The following ALOX5AP variants were observed in gnomAD, a reference collection of about 807,000 sequenced individuals.
ALOX5AP encodes arachidonate 5-lipoxygenase activating protein.
A neutral mutation model predicts 18.5 loss-of-function variants in ALOX5AP; 9 were observed. That is an observed-to-expected ratio of 0.49 (90% CI 0.29 to 0.85). The LOEUF (loss-of-function observed/expected upper bound fraction) is 0.85, where lower values mean the gene tolerates loss of function less well. Ranked by LOEUF, ALOX5AP falls within the 40% of genes least tolerant of loss-of-function variation. The probability of loss-of-function intolerance (pLI) is 0.08; values close to 1 mark genes in which losing one functional copy is unlikely to be tolerated. For missense variants in ALOX5AP, 172 were observed against 202.5 expected, an observed-to-expected ratio of 0.85 and a Z score of 0.91; for synonymous variants, 81 against 78.6, an observed-to-expected ratio of 1.03 and a Z score of -0.16.
chr13:30,736,148 C>A (rs1380799002), intron 1 of ALOX5AP, among the ~76,000 whole-genome samples: 1 of 152,106 alleles, frequency 6.6e-6, no homozygotes, highest in Non-Finnish European at 1.5e-5. Context: ...TAGAAAAAAT[C>A]ATCTTATTAT....
intron 1 of ALOX5AP, among the ~76,000 whole-genome samples, chr13:30,727,125 C>T (rs1275294377): frequency 6.6e-6 from 1 of 151,336 alleles, no homozygotes; most frequent in Non-Finnish European, 1.5e-5. Context: ...GCGATCTTGG[C>T]TCACTACAAC....
chr13:30,729,003 C>A (rs913118125), intron 1 of ALOX5AP, among the ~76,000 whole-genome samples: 2 of 152,184 alleles, frequency 1.3e-5, no homozygotes, highest in Non-Finnish European at 2.9e-5. Flanking sequence ...TGTGTTATCT[C>A]ATTGTAGTTC....
intron 1 of ALOX5AP, among the ~76,000 whole-genome samples, chr13:30,716,013 A>C (rs1352201371): frequency 6.6e-6 from 1 of 152,190 alleles, no homozygotes; most frequent in Non-Finnish European, 1.5e-5. Flanking sequence ...GAGCTGCTGC[A>C]AGGGATCTGA....
chr13:30,762,985 G>A (rs1026741386), intron 4 of ALOX5AP, among the ~76,000 whole-genome samples: 5 of 152,310 alleles, frequency 3.3e-5, no homozygotes, highest in African/African-American at 7.2e-5. Flanking sequence ...TTAGGATTTA[G>A]TGCCTTGGAG....
chr13:30,720,666 G>A (rs1005636889), intron 1 of ALOX5AP, among the ~76,000 whole-genome samples: 1 of 152,176 alleles, frequency 6.6e-6, no homozygotes, highest in African/African-American at 2.4e-5. Flanking sequence ...AAGGAAAACA[G>A]GAACTAAACC....
intron 1 of ALOX5AP, among the ~76,000 whole-genome samples, chr13:30,737,372 A>G (rs1194905801): frequency 1.3e-5 from 2 of 152,240 alleles, no homozygotes; most frequent in Non-Finnish European, 2.9e-5. Context: ...GGACTTTGCC[A>G]TCATGGTCTA....
In ALOX5AP at chr13:30,744,121, G is replaced by T; in HGVS notation, c.132G>T (p.Arg44Ser). The T allele has an allele frequency of 6.2e-7, 1 of 1,614,010 alleles. No homozygotes were observed. Among genetic ancestry groups the T allele is most frequent in the Non-Finnish European group, 8.5e-7 (1 of 1,179,964 alleles). Reference sequence around the variant, plus strand: ...CCCAGAATGGGAGGAGCTTCCAGAGGACCGGAACACTTGCCTTTGAGCGGG... The same window carrying T: ...CCCAGAATGGGAGGAGCTTCCAGAGTACCGGAACACTTGCCTTTGAGCGGG... ...SRTQNGRSFQRTGTLAFERVY... is the reference protein window; with the variant it reads ...SRTQNGRSFQSTGTLAFERVY... Residue 44 changes from arginine to serine, a missense_variant, in exon 2 of 5, where the codon AGG becomes AGT. Physicochemically the swap from Arg to Ser is moderately radical, Grantham distance 110. Coordinates refer to ENST00000380490, the MANE Select transcript of ALOX5AP (RefSeq NM_001629.4).
intron 2 of ALOX5AP, among the ~76,000 whole-genome samples, chr13:30,750,420 G>T (rs988255818): frequency 6.6e-6 from 1 of 152,060 alleles, no homozygotes; most frequent in Non-Finnish European, 1.5e-5. Context: ...TCATGGATGG[G>T]CATATTTATT....
At chr13:30,750,490 G>C (rs1056849612) in intron 2 of ALOX5AP, among the ~76,000 whole-genome samples, 5 of 152,154 alleles carry the variant, frequency 3.3e-5, no homozygotes, top group African/African-American at 1.2e-4. Flanking sequence ...TAGTATAGTT[G>C]AAGAGTTAAC....
At chr13:30,755,103 A>G (rs1346164633) in intron 3 of ALOX5AP, among the ~76,000 whole-genome samples, 1 of 152,152 alleles carries the variant, frequency 6.6e-6, no homozygotes, top group African/African-American at 2.4e-5. Flanking sequence ...TAGAATGCAG[A>G]GGGAATCTCC....
chr13:30,733,016 A>C (rs1220643108), upstream of ALOX5AP, among the ~76,000 whole-genome samples: 1 of 152,032 alleles, frequency 6.6e-6, no homozygotes, highest in East Asian at 1.9e-4. Context: ...AAAATTAGCC[A>C]GGCGTGGTGG....
chr13:30,759,465 C>T (rs1280986517), intron 4 of ALOX5AP, among the ~76,000 whole-genome samples: 14 of 152,148 alleles, frequency 9.2e-5, no homozygotes, highest in Non-Finnish European at 2.9e-5. Flanking sequence ...CTGCTCTGTG[C>T]CAGGTACCAG....
intron 1 of ALOX5AP, among the ~76,000 whole-genome samples, chr13:30,717,295 C>T (rs1951557742): frequency 6.6e-6 from 1 of 152,234 alleles, no homozygotes; most frequent in Admixed American, 6.5e-5. Context: ...TTCCTCTTCA[C>T]TTACAGCAGC....
intron 1 of ALOX5AP, among the ~76,000 whole-genome samples, chr13:30,716,048 C>T (rs182010637): frequency 7.9e-5 from 12 of 152,292 alleles, no homozygotes; most frequent in African/African-American, 2.6e-4. Context: ...GTCAGAGTGG[C>T]GATGACAGCC....
chr13:30,729,154 ATTT>A (rs371655461), intron 1 of ALOX5AP, among the ~76,000 whole-genome samples: 362 of 150,142 alleles, frequency 2.4e-3, no homozygotes, highest in Non-Finnish European at 3.8e-3. Flanking sequence ...TAATTTATTG[ATTT>A]TTTTTTTCTT....
intron 4 of ALOX5AP, among the ~76,000 whole-genome samples, chr13:30,760,703 C>G (rs1951934309): frequency 6.6e-6 from 1 of 152,188 alleles, no homozygotes; most frequent in African/African-American, 2.4e-5. Context: ...AATCATGCAA[C>G]CTCTCTTTTC....
chr13:30,733,037 T>C (rs1426205636), upstream of ALOX5AP, among the ~76,000 whole-genome samples: 2 of 151,778 alleles, frequency 1.3e-5, no homozygotes, highest in Admixed American at 6.6e-5. Flanking sequence ...TGGGTGCCTG[T>C]AGTCCCAGCT....
chr13:30,727,752 T>G (rs1350616715), intron 1 of ALOX5AP, among the ~76,000 whole-genome samples: 13 of 152,172 alleles, frequency 8.5e-5, no homozygotes, highest in Admixed American at 8.5e-4. Context: ...GCCCCAGTGT[T>G]GAAGTTGGGG....
chr13:30,735,715 G>A lies in ALOX5AP; in HGVS notation c.70+40G>A, dbSNP rs763565016. 1.9e-6 allele frequency: 3 copies of A among 1,605,556 alleles called. No individual in the cohort carries two copies. The Admixed American group carries it at 5.0e-5, about 27-fold the overall frequency. On this transcript the variant is annotated intron_variant, in intron 1 of 4. Coordinates refer to ENST00000380490, the MANE Select transcript of ALOX5AP (RefSeq NM_001629.4). ...TCACTCAGGGAAGAACAGAAGGGGA[G>A]ATTTTCTTTGATGGTTGTTTGGAAG...
Sources: allele counts gnomAD v4.1 joint callset (sites outside exome capture counted in the v4.1 genomes callset), GRCh38; gene constraint gnomAD v4.1.1; transcripts MANE v1.5; gene names NCBI Gene and HGNC (gene_info 2026-07-23, HGNC 2026-07-21).